Variants in ALK observed in about 807,000 individuals in gnomAD.
The protein encoded by ALK is ALK tyrosine kinase receptor.
ALK carries 74 observed loss-of-function variants against 163.1 expected under a neutral mutation model. That is an observed-to-expected ratio of 0.45 (90% CI 0.38 to 0.55). The LOEUF (loss-of-function observed/expected upper bound fraction) is 0.55, where lower values mean the gene tolerates loss of function less well. ALK is among the 20% of genes least tolerant of loss of function. The pLI, the probability that ALK is intolerant of heterozygous loss-of-function variation, is 0.00. For synonymous variants in ALK, 960 were observed against 843.2 expected (o/e 1.14, Z -2.40); for missense variants, 2,063 against 2,105.3 (o/e 0.98, Z 0.39).
chr2:29,467,592 C>T (rs1671243677), intron 4 of ALK, among the ~76,000 whole-genome samples: 1 of 152,208 alleles, frequency 6.6e-6, no homozygotes, highest in African/African-American at 2.4e-5. Flanking sequence ...GGAATCTGCT[C>T]ATTCTTTCTG....
chr2:29,849,010 A>G (rs2148399527), intron 1 of ALK, among the ~76,000 whole-genome samples: 1 of 152,246 alleles, frequency 6.6e-6, no homozygotes, highest in African/African-American at 2.4e-5. Context: ...CCATAGTCTC[A>G]CCTGCCCTTG....
chr2:29,398,721 CGAGGTCA>C (rs1352409848), intron 4 of ALK, among the ~76,000 whole-genome samples: 1 of 152,064 alleles, frequency 6.6e-6, no homozygotes, highest in Non-Finnish European at 1.5e-5. Context: ...CAGCATTCTC[CGAGGTCA>C]GAGGACTCTG....
At chr2:29,862,104 A>ATTAG (rs58082912) in intron 1 of ALK, among the ~76,000 whole-genome samples, 119,096 of 151,600 alleles carry the variant, frequency 0.79, 46,961 homozygotes, top group Non-Finnish European at 0.82. Flanking sequence ...TCCTCAGCAA[A>ATTAG]TTATAGAAGG....
chr2:29,839,744 C>T (rs897692720), intron 1 of ALK, among the ~76,000 whole-genome samples: 1 of 152,116 alleles, frequency 6.6e-6, no homozygotes, highest in Non-Finnish European at 1.5e-5. Flanking sequence ...GGGTCATTCC[C>T]CACAAAGCCT....
chr2:29,672,486 T>C (rs1198056983), intron 3 of ALK, among the ~76,000 whole-genome samples: 1 of 150,502 alleles, frequency 6.6e-6, no homozygotes, highest in African/African-American at 2.5e-5. Flanking sequence ...TTCATCCATG[T>C]CCCTACAAAG....
chr2:29,399,638 G>A (rs1307666379), intron 4 of ALK, among the ~76,000 whole-genome samples: 1 of 152,206 alleles, frequency 6.6e-6, no homozygotes, highest in Non-Finnish European at 1.5e-5. Context: ...GTGCCTCAGA[G>A]CATGGGGCTT....
chr2:29,909,480 C>CAGAGAGAGAGAGAGAG (rs369360033), intron 1 of ALK, among the ~76,000 whole-genome samples: 150 of 135,960 alleles, frequency 1.1e-3, no homozygotes, highest in East Asian at 6.5e-3. Flanking sequence ...GACAGACAGA[C>CAGAGAGAGAGAGAGAG]AGAGAGAGAG....
At chr2:29,718,381 A>G (rs1013956380) in intron 1 of ALK, among the ~76,000 whole-genome samples, 8 of 152,260 alleles carry the variant, frequency 5.3e-5, no homozygotes, top group African/African-American at 9.6e-5. Flanking sequence ...TCATTACAAT[A>G]TATCTACAAA....
rs1195302525 is a variant in ALK at position 29,192,935 on chromosome 2, A to G, written c.*289T>C. ...AGAGCACACACAATTTGAAAGAAGC[A>G]TAAGGAAGTATACAACAAACATGCA... On this transcript the variant is annotated 3_prime_UTR_variant, in exon 29 of 29. Coordinates refer to ENST00000389048, the MANE Select transcript of ALK (RefSeq NM_004304.5). 4.3e-6 allele frequency: 2 copies of G among 467,106 alleles called. No homozygotes were observed. Among genetic ancestry groups the G allele is most frequent in the Admixed American group, 3.4e-5 (1 of 29,436 alleles). The allele number at this position is 467,106 out of a possible 1,614,324, so 28.9% of individuals were successfully genotyped here.
intron 1 of ALK, among the ~76,000 whole-genome samples, chr2:29,827,730 G>A (rs113563577): frequency 1.3e-5 from 2 of 152,128 alleles, no homozygotes; most frequent in East Asian, 3.8e-4. Context: ...TCGTGAAAAT[G>A]GCCATACTGC....
chr2:29,357,966 TG>T, intron 5 of ALK, among the ~76,000 whole-genome samples: 1 of 152,236 alleles, frequency 6.6e-6, no homozygotes, highest in East Asian at 1.9e-4. Context: ...ATAAACATAA[TG>T]TGCAATATCC....
rs1008713043 is a variant in ALK at position 29,537,594 on chromosome 2, G to A, written c.953-5478C>T. Among the ~76,000 whole-genome samples the A allele has an allele frequency of 2.0e-5, 3 of 152,330 alleles. No individual in the cohort carries two copies. The South Asian group carries it at 6.2e-4, about 32-fold the overall frequency. On this transcript the variant is annotated intron_variant, in intron 3 of 28. Coordinates refer to ENST00000389048, the MANE Select transcript of ALK (RefSeq NM_004304.5). ...AAACTCTACTAGGTCCATATCAAGG[G>A]AAAATGCGGGGTTGGAGCCTCTACA...
chr2:29,499,761 C>T (rs1018476375), intron 4 of ALK, among the ~76,000 whole-genome samples: 6 of 152,048 alleles, frequency 3.9e-5, no homozygotes, highest in African/African-American at 1.5e-4. Flanking sequence ...CTGCTGCCAG[C>T]CCATGTCTTC....
chr2:29,639,542 A>G (rs565810019), intron 3 of ALK, among the ~76,000 whole-genome samples: 5 of 152,364 alleles, frequency 3.3e-5, no homozygotes, highest in Admixed American at 3.3e-4. Context: ...AAATAATTTA[A>G]TAAACTGAGA....
chr2:29,699,213 C>A (rs1170880752), intron 2 of ALK, among the ~76,000 whole-genome samples: 1 of 152,158 alleles, frequency 6.6e-6, no homozygotes, highest in Non-Finnish European at 1.5e-5. Context: ...GGTCCACACC[C>A]ACCCAGGGGC....
intron 4 of ALK, among the ~76,000 whole-genome samples, chr2:29,484,614 A>G (rs932876522): frequency 6.6e-6 from 1 of 152,240 alleles, no homozygotes. Flanking sequence ...TTAGCAACCA[A>G]ATTTATTCAT....
At chr2:29,622,222 C>T (rs926861894) in intron 3 of ALK, among the ~76,000 whole-genome samples, 3 of 152,136 alleles carry the variant, frequency 2.0e-5, no homozygotes, top group African/African-American at 4.8e-5. Flanking sequence ...AATCAACCAA[C>T]CAACAAATAA....
chr2:29,810,224 C>T (rs190275059), intron 1 of ALK, among the ~76,000 whole-genome samples: 1 of 152,194 alleles, frequency 6.6e-6, no homozygotes, highest in East Asian at 1.9e-4. Context: ...GAGCTCGAGA[C>T]CAGCCTGGCC....
At chr2:29,691,217 G>GA (rs1483263577) in intron 3 of ALK, among the ~76,000 whole-genome samples, 3 of 152,232 alleles carry the variant, frequency 2.0e-5, no homozygotes, top group Non-Finnish European at 2.9e-5. Flanking sequence ...TGCCATTACT[G>GA]AAGCAGTGGA....
Sources: allele counts gnomAD v4.1 joint callset (sites outside exome capture counted in the v4.1 genomes callset), GRCh38; gene constraint gnomAD v4.1.1; transcripts MANE v1.5; gene names NCBI Gene and HGNC (gene_info 2026-07-23, HGNC 2026-07-21).